Variants in SLIT2 observed in about 807,000 individuals in gnomAD.
The protein encoded by SLIT2 is slit guidance ligand 2.
A neutral mutation model predicts 185.7 loss-of-function variants in SLIT2; 41 were observed. The ratio of observed to expected loss-of-function variants is 0.22; its 90% CI spans 0.17 to 0.29. SLIT2 has a LOEUF of 0.29. Among genes scored for constraint, SLIT2 ranks in the 10% least tolerant of loss-of-function variants. The probability of loss-of-function intolerance (pLI) is 1.00; values close to 1 mark genes in which losing one functional copy is unlikely to be tolerated. For missense variants in SLIT2, 1,571 were observed against 1,909.0 expected, an observed-to-expected ratio of 0.82 and a Z score of 3.30; for synonymous variants, 693 against 680.2, an observed-to-expected ratio of 1.02 and a Z score of -0.29.
At chr4:20,418,213 G>A (rs1159884393) in intron 4 of SLIT2, among the ~76,000 whole-genome samples, 1 of 152,026 alleles carries the variant, frequency 6.6e-6, no homozygotes, top group Non-Finnish European at 1.5e-5. Context: ...TTTTCACTTC[G>A]GCTGTTGTTA....
At chr4:20,393,870 A>G (rs1725658484) in intron 4 of SLIT2, among the ~76,000 whole-genome samples, 2 of 152,202 alleles carry the variant, frequency 1.3e-5, no homozygotes, top group Middle Eastern at 3.4e-3. Context: ...AGCCACGTGC[A>G]TTAACACTGG....
chr4:20,427,686 T>C (rs973047957), intron 4 of SLIT2, among the ~76,000 whole-genome samples: 4 of 151,978 alleles, frequency 2.6e-5, no homozygotes, highest in East Asian at 1.9e-4. Flanking sequence ...TTTTTTTTTT[T>C]TGAAACCTTT....
chr4:20,259,951 A>G (rs1424140304), intron 3 of SLIT2, among the ~76,000 whole-genome samples: 1 of 151,866 alleles, frequency 6.6e-6, no homozygotes, highest in Non-Finnish European at 1.5e-5. Flanking sequence ...CTGACAGCCA[A>G]TTCATTTCCT....
At chr4:20,376,686 G>T (rs12643858) in intron 4 of SLIT2, among the ~76,000 whole-genome samples, 131,441 of 152,092 alleles carry the variant, frequency 0.86, 57,002 homozygotes, top group African/African-American at 0.92. Flanking sequence ...AGTATTCCTG[G>T]GCAGCCATAA....
intron 11 of SLIT2, among the ~76,000 whole-genome samples, chr4:20,515,722 T>A (rs1025022978): frequency 6.6e-6 from 1 of 152,216 alleles, no homozygotes; most frequent in Non-Finnish European, 1.5e-5. Context: ...TTTTTTTGAA[T>A]AATAAAGTAT....
chr4:20,567,471 G>A (rs1334556225), intron 27 of SLIT2, 47 bp from the exon 28 acceptor site: 3 of 1,609,382 alleles, frequency 1.9e-6, no homozygotes, highest in Non-Finnish European at 2.6e-6. Context: ...CTTTCTGTAT[G>A]TGCCAAGAAC....
chr4:20,282,761 C>G (rs796265277), intron 4 of SLIT2, among the ~76,000 whole-genome samples: 1 of 152,170 alleles, frequency 6.6e-6, no homozygotes, highest in Non-Finnish European at 1.5e-5. Flanking sequence ...TCTTTCTTAA[C>G]TATTCCTGTT....
chr4:20,436,406 C>G (rs1230808244), intron 4 of SLIT2, among the ~76,000 whole-genome samples: 1 of 152,124 alleles, frequency 6.6e-6, no homozygotes, highest in African/African-American at 2.4e-5. Flanking sequence ...CAGGTGAGGG[C>G]CACCAGGCCA....
At chr4:20,266,157 G>A (rs920816168) in intron 3 of SLIT2, among the ~76,000 whole-genome samples, 7 of 150,812 alleles carry the variant, frequency 4.6e-5, no homozygotes, top group African/African-American at 1.7e-4. Flanking sequence ...GAACCACTGG[G>A]AATAAGAAAG....
intron 4 of SLIT2, among the ~76,000 whole-genome samples, chr4:20,285,915 G>A (rs1207850209): frequency 1.3e-5 from 2 of 152,228 alleles, no homozygotes; most frequent in African/African-American, 2.4e-5. Context: ...AAGTGGTGAT[G>A]CTGAGGATGG....
intron 4 of SLIT2, among the ~76,000 whole-genome samples, chr4:20,303,977 G>A (rs955646980): frequency 1.3e-5 from 2 of 152,164 alleles, no homozygotes; most frequent in Admixed American, 1.3e-4. Context: ...GCTAGGCTGG[G>A]AACAGCATGG....
intron 33 of SLIT2, among the ~76,000 whole-genome samples, chr4:20,603,009 C>T (rs1249643569): frequency 2.0e-5 from 3 of 152,116 alleles, no homozygotes; most frequent in Non-Finnish European, 4.4e-5. Flanking sequence ...TAGAGAATAG[C>T]ATAAAGAGGG....
At chr4:20,313,144 A>G (rs1293095476) in intron 4 of SLIT2, among the ~76,000 whole-genome samples, 2 of 152,204 alleles carry the variant, frequency 1.3e-5, no homozygotes, top group African/African-American at 2.4e-5. Context: ...CTGCATTGCT[A>G]TAAAGAAATA....
At chr4:20,456,881 TA>T (rs1316647022) in intron 4 of SLIT2, among the ~76,000 whole-genome samples, 1 of 152,106 alleles carries the variant, frequency 6.6e-6, no homozygotes, top group Non-Finnish European at 1.5e-5. Context: ...TCACGGTATT[TA>T]TATTAACTTA....
intron 4 of SLIT2, among the ~76,000 whole-genome samples, chr4:20,387,403 C>CA (rs35431648): frequency 2.2e-3 from 326 of 149,220 alleles, no homozygotes; most frequent in South Asian, 4.0e-3. Context: ...ATTATGTTCT[C>CA]AAAAAAAAAC....
chr4:20,464,148 T>A (rs1435180993), intron 4 of SLIT2, among the ~76,000 whole-genome samples: 1 of 152,142 alleles, frequency 6.6e-6, no homozygotes, highest in Non-Finnish European at 1.5e-5. Context: ...AGCAATGAAT[T>A]GATGGTTGAT....
chr4:20,270,581 G>A (rs1377421393), intron 4 of SLIT2, among the ~76,000 whole-genome samples: 8 of 151,958 alleles, frequency 5.3e-5, no homozygotes, highest in Non-Finnish European at 1.2e-4. Context: ...GAAACAGGCA[G>A]CTAGAAAATG....
intron 4 of SLIT2, among the ~76,000 whole-genome samples, chr4:20,352,924 A>G (rs1222969458): frequency 2.0e-5 from 3 of 152,162 alleles, no homozygotes; most frequent in Non-Finnish European, 4.4e-5. Flanking sequence ...AATAATGATA[A>G]TAATAATTTG....
At chr4:20,418,666 G>T (rs1727900696) in intron 4 of SLIT2, among the ~76,000 whole-genome samples, 2 of 152,132 alleles carry the variant, frequency 1.3e-5, no homozygotes, top group Admixed American at 1.3e-4. Flanking sequence ...ATTAATACCT[G>T]GGAATTTCTT....
Sources: gnomAD v4.1 joint callset for allele counts (sites outside exome capture counted in the v4.1 genomes callset) on GRCh38, gnomAD v4.1.1 for gene constraint, MANE v1.5 for transcripts, NCBI Gene and HGNC (gene_info 2026-07-23, HGNC 2026-07-21) for gene names.